SPTBN1: variants seen among roughly 807,000 people sequenced by gnomAD.
SPTBN1 encodes spectrin beta, non-erythrocytic 1.
SPTBN1 carries 32 observed loss-of-function variants against 266.4 expected under a neutral mutation model. The ratio of observed to expected loss-of-function variants is 0.12; its 90% CI spans 0.09 to 0.16. The LOEUF (loss-of-function observed/expected upper bound fraction) is 0.16, where lower values mean the gene tolerates loss of function less well. Ranked by LOEUF, SPTBN1 falls within the 10% of genes least tolerant of loss-of-function variation. The pLI is 1.00. For synonymous variants in SPTBN1, 1,336 were observed against 1,162.2 expected (o/e 1.15, Z -3.04); for missense variants, 2,296 against 3,067.1 (o/e 0.75, Z 5.94).
intron 1 of SPTBN1, among the ~76,000 whole-genome samples, chr2:54,478,398 A>G (rs1667946561): frequency 6.6e-6 from 1 of 152,088 alleles, no homozygotes; most frequent in African/African-American, 2.4e-5. Context: ...GACCTGGTCA[A>G]ATGTTGGGGA....
intron 3 of SPTBN1, among the ~76,000 whole-genome samples, chr2:54,607,932 C>T (rs984665868): frequency 1.3e-5 from 2 of 152,112 alleles, no homozygotes; most frequent in African/African-American, 2.4e-5. Context: ...TTAAAATGGC[C>T]GCTTGTTACC....
chr2:54,508,805 C>G (rs1279225891), intron 1 of SPTBN1, among the ~76,000 whole-genome samples: 1 of 152,126 alleles, frequency 6.6e-6, no homozygotes, highest in East Asian at 1.9e-4. Flanking sequence ...GGATCTGAAG[C>G]CTTTTGATGG....
rs778290759 is a variant in SPTBN1, at chr2:54,631,156, C to T, written c.3109C>T (p.Leu1037=). 1.9e-6 allele frequency: 3 copies of T among 1,614,108 alleles called. No homozygotes were observed. Among genetic ancestry groups the T allele is most frequent in the African/African-American group, 1.3e-5 (1 of 74,952 alleles). Reference sequence around the variant, plus strand: ...CCAGGCCCAGGCCATCCTGTCTCGGCTGGCCGAGATCAGCGACGTGTGGGA... The same window carrying T: ...CCAGGCCCAGGCCATCCTGTCTCGGTTGGCCGAGATCAGCGACGTGTGGGA... The part of the protein sequence containing the change: ...PDQAQAILSR[L]AEISDVWEEM... Residue 1037 remains leucine (L), a synonymous_variant, in exon 16 of 36, where the codon CTG becomes TTG. Transcript: ENST00000356805.
chr2:54,494,421 T>C (rs1394756596), intron 1 of SPTBN1, among the ~76,000 whole-genome samples: 2 of 152,150 alleles, frequency 1.3e-5, no homozygotes, highest in African/African-American at 4.8e-5. Flanking sequence ...AAAACACATA[T>C]TCGTACAAAA....
intron 7 of SPTBN1, among the ~76,000 whole-genome samples, chr2:54,620,476 A>AAT (rs34138479): frequency 0.8 from 121,533 of 151,976 alleles, 49,269 homozygotes; most frequent in African/African-American, 0.94. Flanking sequence ...GGGAATGGTG[A>AAT]GGTCAAGTTT....
At chr2:54,525,754 G>A (rs34263579) in intron 1 of SPTBN1, among the ~76,000 whole-genome samples, 22,079 of 152,050 alleles carry the variant, frequency 0.15, 1,670 homozygotes, top group Middle Eastern at 0.19. Context: ...TTTTTGAGAC[G>A]GAGTCTCGCT....
At position 54,540,458 on chromosome 2, in the gene SPTBN1, T is replaced by C. The variant is rs13399435; in HGVS notation, c.148+13892T>C. 0.76 allele frequency: 116,221 copies of C among 152,220 alleles called. 45,087 individuals carry two copies. Among genetic ancestry groups the C allele is most frequent in the African/African-American group, 0.92 (38,100 of 41,558 alleles). The allele number at this position is 152,220 out of a possible 1,614,324, so 9.4% of individuals were successfully genotyped here. A position where few individuals can be genotyped will look rare whatever the true frequency, so the allele number is the denominator to read the frequency against. The stretch of plus-strand genomic sequence containing the variant: ...TTTACTGTGGATTTGGCCCCTGCCT[T>C]CTTTTGTGCTCCAGGTATCTCACCC... On this transcript the variant is annotated intron_variant, in intron 2 of 35. Transcript: ENST00000356805. This position sits in a 1 kb window ranked among gnomAD's most constrained non-coding sequence, Gnocchi z 5.6.
Position 54,664,594 on chromosome 2 carries a change from T to C in SPTBN1, c.6562T>C (p.Leu2188=), listed in dbSNP as rs143363392. 102 of 1,614,132 alleles carry C rather than the reference T, an allele frequency of 6.3e-5. No homozygotes were observed. The African/African-American group carries it at 1.2e-3, about 19-fold the overall frequency. ...CCTCCCAGCCCAGAGTGCCGCCACC[T>C]TACCAGCCAGAACCCAGGAGACACC... ...TALPAQSAAT[L]PARTQETPSA... is the part of the protein sequence containing the mutation. The change falls in exon 33 of 36, where the codon TTA becomes CTA. Residue 2188 remains leucine (L), a synonymous_variant. Transcript: ENST00000356805. This position sits in a 1 kb window ranked among gnomAD's most constrained non-coding sequence, Gnocchi z 5.6.
In SPTBN1 at chr2:54,558,255, C is replaced by G; in HGVS notation, c.148+31689C>G. ...GGGGGTCGCGGGCCGGCTAGGCTCC[C>G]CCGCGCCCCTCCTCGTGGTATAGCC... On this transcript the variant is annotated intron_variant, in intron 2 of 35. Transcript: ENST00000356805. The surrounding 1 kb of genome is among the most constrained non-coding windows in gnomAD (Gnocchi z 4.6). The G allele has an allele frequency of 1.0e-6, 1 of 985,376 alleles. No homozygotes were observed. Among genetic ancestry groups the G allele is most frequent in the Non-Finnish European group, 1.2e-6 (1 of 829,922 alleles). The allele number at this position is 985,376 out of a possible 1,614,324, so 61.0% of individuals were successfully genotyped here. A position where few individuals can be genotyped will look rare whatever the true frequency, so the allele number is the denominator to read the frequency against.
At position 54,628,975 on chromosome 2, in the gene SPTBN1, C is replaced by A; in HGVS notation, c.1841C>A (p.Ala614Asp). The change falls in exon 14 of 36, where the codon GCC becomes GAC. Residue 614 changes from alanine to aspartate, a missense_variant. This residue lies in a region of SPTBN1 where 434 missense variants were observed against 573.9 expected (regional missense o/e 0.76). Transcript: ENST00000356805. The surrounding 1 kb of genome is among the most constrained non-coding windows in gnomAD (Gnocchi z 4.3). ...CCCCAGGTGATCCGAGACCGCGTGGCCCACATGGAGTTCTGTTATCAAGAG... is the reference window on the plus strand; with the variant it reads ...CCCCAGGTGATCCGAGACCGCGTGGACCACATGGAGTTCTGTTATCAAGAG... ...CDPQVIRDRV[A>D]HMEFCYQELC... The A allele has an allele frequency of 6.2e-7, 1 of 1,613,182 alleles. No individual in the cohort carries two copies.
chr2:54,595,677 G>T (rs79779610), intron 2 of SPTBN1, among the ~76,000 whole-genome samples: 172 of 152,342 alleles, frequency 1.1e-3, no homozygotes, highest in East Asian at 0.011. Flanking sequence ...GGTCATCAAA[G>T]AGAATGATGA....
At position 54,542,232 on chromosome 2, in the gene SPTBN1, G is replaced by C. The variant is rs182884784; in HGVS notation, c.148+15666G>C. Among the ~76,000 whole-genome samples, 18 of 152,348 alleles carry C rather than the reference G, an allele frequency of 1.2e-4. No homozygotes were observed. In the East Asian group the frequency reaches 3.1e-3, roughly 26 times the overall value. ...AAAGATTTTCAGTTTTCACAGAGGAGAGTTGTTGTCAGTAGATGAAAGGGA... is the reference window on the plus strand; with the variant it reads ...AAAGATTTTCAGTTTTCACAGAGGACAGTTGTTGTCAGTAGATGAAAGGGA... On this transcript the variant is annotated intron_variant, in intron 2 of 35. Coordinates refer to ENST00000356805, the MANE Select transcript of SPTBN1 (RefSeq NM_003128.3).
chr2:54,503,466 A>G (rs1669383875), intron 1 of SPTBN1, among the ~76,000 whole-genome samples: 1 of 152,056 alleles, frequency 6.6e-6, no homozygotes, highest in Non-Finnish European at 1.5e-5. Flanking sequence ...TCTCTTTGAC[A>G]CTGGCTGTCT....
intron 2 of SPTBN1, chr2:54,529,342 G>T: frequency 1.7e-6 from 1 of 583,344 alleles, no homozygotes; most frequent in Non-Finnish European, 3.1e-6. Context: ...ACCCTTTTCA[G>T]AAGATGGCAC....
At chr2:54,650,035 A>G (rs1680167661) in intron 26 of SPTBN1, 46 bp downstream of exon 26, 5 of 1,555,130 alleles carry the variant, frequency 3.2e-6, no homozygotes, top group South Asian at 2.4e-5. Flanking sequence ...CTTTTTCTCC[A>G]TAGAACATCT....
At chr2:54,659,088 T>G in intron 30 of SPTBN1, 66 bp from the exon 31 acceptor site, 1 of 1,578,036 alleles carries the variant, frequency 6.3e-7, no homozygotes, top group South Asian at 1.1e-5. Context: ...CCTGGGTTCC[T>G]AGAACCTTTT....
chr2:54,618,060 C>G lies in SPTBN1; in HGVS notation c.648-18C>G, dbSNP rs1677731413. The stretch of plus-strand genomic sequence containing the variant: ...TCAAGCCATGATTTTTGTTGTGTCC[C>G]ACTGTTGTTCTGCACAGGCCTGACC... On this transcript the variant is annotated intron_variant, in intron 6 of 35. Coordinates refer to ENST00000356805, the MANE Select transcript of SPTBN1 (RefSeq NM_003128.3). 3 of 1,586,886 alleles carry G rather than the reference C, an allele frequency of 1.9e-6. No individual in the cohort carries two copies. The highest frequency in any genetic ancestry group is 2.7e-5 in the African/African-American group (2 of 74,160).
chr2:54,539,292 A>T (rs999230564), intron 2 of SPTBN1, among the ~76,000 whole-genome samples: 1 of 152,094 alleles, frequency 6.6e-6, no homozygotes, highest in Non-Finnish European at 1.5e-5. Flanking sequence ...TATCACTTTC[A>T]TCTGGGGAAA....
At chr2:54,622,218 G>T in intron 8 of SPTBN1, 82 bp from the exon 9 acceptor site, 4 of 1,407,854 alleles carry the variant, frequency 2.8e-6, no homozygotes, top group Non-Finnish European at 3.9e-6. Flanking sequence ...CGTTTTGTGT[G>T]CATGCACTCG....
Sources: allele counts gnomAD v4.1 joint callset (sites outside exome capture counted in the v4.1 genomes callset), GRCh38; gene constraint gnomAD v4.1.1; regional missense constraint gnomAD v4.1.1; non-coding constraint Gnocchi (gnomAD v3.1); transcripts MANE v1.5; gene names NCBI Gene and HGNC (gene_info 2026-07-23, HGNC 2026-07-21).